The following OPCML variants were observed in gnomAD, a reference collection of about 807,000 sequenced individuals.
OPCML encodes the protein opioid-binding protein/cell adhesion molecule.
OPCML carries 13 observed loss-of-function variants against 37.8 expected under a neutral mutation model. The ratio of observed to expected loss-of-function variants is 0.34; its 90% CI spans 0.22 to 0.55. The LOEUF (loss-of-function observed/expected upper bound fraction) is 0.55, where lower values mean the gene tolerates loss of function less well. Ranked by LOEUF, OPCML falls within the 20% of genes least tolerant of loss-of-function variation. The probability of loss-of-function intolerance (pLI) is 0.91; values close to 1 mark genes in which losing one functional copy is unlikely to be tolerated. For synonymous variants in OPCML, 176 were observed against 168.8 expected (o/e 1.04, Z -0.33); for missense variants, 341 against 435.6 (o/e 0.78, Z 1.93).
At chr11:133,217,171 AC>A (rs1346594863) in intron 1 of OPCML, among the ~76,000 whole-genome samples, 1 of 151,244 alleles carries the variant, frequency 6.6e-6, no homozygotes, top group Non-Finnish European at 1.5e-5. Flanking sequence ...CTCACACTAG[AC>A]CCCCCATCTC....
At chr11:132,984,098 T>C (rs1468363764) in intron 1 of OPCML, among the ~76,000 whole-genome samples, 1 of 152,170 alleles carries the variant, frequency 6.6e-6, no homozygotes, top group East Asian at 1.9e-4. Context: ...CAATGGGCTT[T>C]AGGTTGACCC....
At chr11:132,561,164 T>C (rs1447567722) in intron 3 of OPCML, among the ~76,000 whole-genome samples, 2 of 152,230 alleles carry the variant, frequency 1.3e-5, no homozygotes, top group Non-Finnish European at 2.9e-5. Flanking sequence ...ATGACGTGTA[T>C]GTCCCCATTC....
At chr11:133,241,631 T>C (rs910837073) in intron 1 of OPCML, among the ~76,000 whole-genome samples, 2 of 152,202 alleles carry the variant, frequency 1.3e-5, no homozygotes, top group Admixed American at 1.3e-4. Context: ...TATTAGGAAA[T>C]TTTATAGTTA....
At chr11:132,813,203 T>G (rs1300008473) in intron 2 of OPCML, among the ~76,000 whole-genome samples, 1 of 152,174 alleles carries the variant, frequency 6.6e-6, no homozygotes, top group Admixed American at 6.5e-5. Context: ...TGGTTCAGAC[T>G]TTTTACAGCT....
At chr11:133,398,833 G>A (rs1293024332) in intron 1 of OPCML, among the ~76,000 whole-genome samples, 5 of 151,352 alleles carry the variant, frequency 3.3e-5, no homozygotes, top group African/African-American at 9.8e-5. Context: ...CCCGGCCAGG[G>A]TCCCATGCCT....
At chr11:133,247,746 A>G (rs4937759) in intron 1 of OPCML, among the ~76,000 whole-genome samples, 47,200 of 151,498 alleles carry the variant, frequency 0.31, 8,480 homozygotes, top group East Asian at 0.83. Flanking sequence ...GGGACTATCC[A>G]CATGAGCCAC....
At chr11:132,617,784 A>T (rs1939130691) in intron 3 of OPCML, among the ~76,000 whole-genome samples, 1 of 152,206 alleles carries the variant, frequency 6.6e-6, no homozygotes, top group African/African-American at 2.4e-5. Context: ...ACACATAAAG[A>T]TCACTGACAT....
chr11:132,433,614 T>C (rs1413518472), intron 7 of OPCML, among the ~76,000 whole-genome samples: 1 of 152,224 alleles, frequency 6.6e-6, no homozygotes, highest in Non-Finnish European at 1.5e-5. Flanking sequence ...AATGTCTATG[T>C]TGATGCTCTA....
At chr11:132,781,400 A>G (rs1349892865) in intron 2 of OPCML, among the ~76,000 whole-genome samples, 3 of 151,890 alleles carry the variant, frequency 2.0e-5, no homozygotes, top group African/African-American at 7.3e-5. Context: ...ACTTGAACTA[A>G]AACATTAGCC....
intron 4 of OPCML, among the ~76,000 whole-genome samples, chr11:132,458,679 C>T (rs1338672835): frequency 6.6e-6 from 1 of 152,166 alleles, no homozygotes; most frequent in Admixed American, 6.5e-5. Context: ...AAACCCATTA[C>T]ATTTTAACGT....
intron 1 of OPCML, among the ~76,000 whole-genome samples, chr11:133,264,759 G>A (rs899937261): frequency 2.9e-5 from 3 of 104,256 alleles, no homozygotes; most frequent in South Asian, 4.5e-4. Context: ...TACACACAGC[G>A]GTTTTTAATA....
intron 1 of OPCML, among the ~76,000 whole-genome samples, chr11:132,944,192 G>C (rs1373114279): frequency 1.3e-5 from 2 of 152,140 alleles, no homozygotes; most frequent in Non-Finnish European, 2.9e-5. Flanking sequence ...GAGGGGCGGG[G>C]TGGGGGGAGC....
chr11:132,824,995 T>C (rs1940213586), intron 2 of OPCML, among the ~76,000 whole-genome samples: 1 of 152,200 alleles, frequency 6.6e-6, no homozygotes. Flanking sequence ...GCTTCTCTGA[T>C]ACACAAGCAA....
At chr11:133,325,299 T>C (rs1466155017) in intron 1 of OPCML, among the ~76,000 whole-genome samples, 1 of 152,240 alleles carries the variant, frequency 6.6e-6, no homozygotes, top group South Asian at 2.1e-4. Context: ...CGTTTACCCA[T>C]AAAATATTAG....
chr11:132,591,331 C>G (rs948255027), intron 3 of OPCML, among the ~76,000 whole-genome samples: 1 of 152,318 alleles, frequency 6.6e-6, no homozygotes, highest in Admixed American at 6.5e-5. Flanking sequence ...CATTTTTTCT[C>G]TCTCTCAAGA....
At chr11:132,726,763 G>A (rs996009906) in intron 2 of OPCML, among the ~76,000 whole-genome samples, 3 of 152,062 alleles carry the variant, frequency 2.0e-5, no homozygotes, top group African/African-American at 4.8e-5. Context: ...ATTTATCTGC[G>A]TTAAAAAACT....
chr11:132,421,333 T>G (rs1338840821), intron 7 of OPCML, among the ~76,000 whole-genome samples: 1 of 152,100 alleles, frequency 6.6e-6, no homozygotes, highest in African/African-American at 2.4e-5. Context: ...GCAAAGGAGA[T>G]TCAAAGGAGA....
intron 1 of OPCML, among the ~76,000 whole-genome samples, chr11:133,214,851 TAG>T: frequency 6.6e-6 from 1 of 152,278 alleles, no homozygotes; most frequent in South Asian, 2.1e-4. Flanking sequence ...TACGAGCCAA[TAG>T]AGAGTGTGTG....
chr11:132,829,704 G>T, intron 2 of OPCML, among the ~76,000 whole-genome samples: 1 of 152,154 alleles, frequency 6.6e-6, no homozygotes, highest in East Asian at 1.9e-4. Flanking sequence ...CATATTGATA[G>T]AATTCAACAG....
Sources: allele counts gnomAD v4.1 joint callset (sites outside exome capture counted in the v4.1 genomes callset), GRCh38; gene constraint gnomAD v4.1.1; transcripts MANE v1.5; gene names NCBI Gene and HGNC (gene_info 2026-07-23, HGNC 2026-07-21).